CCSER1: variants seen among roughly 807,000 people sequenced by gnomAD.
The protein encoded by CCSER1 is serine-rich coiled-coil domain-containing protein 1.
A neutral mutation model predicts 82.0 loss-of-function variants in CCSER1; 41 were observed. The ratio of observed to expected loss-of-function variants is 0.50; its 90% CI spans 0.39 to 0.65. The LOEUF is 0.65. Ranked by LOEUF, CCSER1 falls within the 30% of genes least tolerant of loss-of-function variation. CCSER1 has a pLI of 0.00. For missense variants in CCSER1, 1,119 were observed against 1,064.2 expected (o/e 1.05, Z -0.72); for synonymous variants, 414 against 383.9 (o/e 1.08, Z -0.92).
chr4:90,453,744 C>T (rs28887579), intron 4 of CCSER1, among the ~76,000 whole-genome samples: 457 of 151,822 alleles, frequency 3.0e-3, no homozygotes, highest in African/African-American at 0.011. Context: ...CTGCCAACTA[C>T]AACTAAGGGG....
intron 10 of CCSER1, among the ~76,000 whole-genome samples, chr4:91,133,820 G>T (rs575034575): frequency 1.3e-5 from 2 of 152,322 alleles, no homozygotes; most frequent in East Asian, 1.9e-4. Flanking sequence ...AGTAGTGCTT[G>T]CCGGGCATGC....
chr4:90,211,644 A>T (rs1396043051), intron 1 of CCSER1, among the ~76,000 whole-genome samples: 3 of 152,214 alleles, frequency 2.0e-5, no homozygotes, highest in African/African-American at 7.2e-5. Flanking sequence ...ATGGTTGGCA[A>T]ATACAGTCAG....
At chr4:91,342,549 T>G (rs1471646895) in intron 10 of CCSER1, among the ~76,000 whole-genome samples, 1 of 152,170 alleles carries the variant, frequency 6.6e-6, no homozygotes, top group Non-Finnish European at 1.5e-5. Context: ...TTGTTTCTTT[T>G]ATTTCTGGCA....
At chr4:90,211,509 A>G (rs1259778148) in intron 1 of CCSER1, among the ~76,000 whole-genome samples, 1 of 152,236 alleles carries the variant, frequency 6.6e-6, no homozygotes, top group Non-Finnish European at 1.5e-5. Flanking sequence ...ATTGCATTTT[A>G]TTAGATACAA....
intron 10 of CCSER1, among the ~76,000 whole-genome samples, chr4:91,585,712 T>C (rs552442557): frequency 1.3e-5 from 2 of 151,450 alleles, no homozygotes; most frequent in South Asian, 4.2e-4. Context: ...GTAAAGGACC[T>C]AAAAGACCTA....
intron 10 of CCSER1, among the ~76,000 whole-genome samples, chr4:91,177,281 T>C (rs1733491641): frequency 6.6e-6 from 1 of 152,222 alleles, no homozygotes; most frequent in African/African-American, 2.4e-5. Flanking sequence ...TAAAATTCTC[T>C]TTTTCTGCTG....
chr4:90,285,101 TC>T (rs1369902910), intron 1 of CCSER1, among the ~76,000 whole-genome samples: 1 of 152,124 alleles, frequency 6.6e-6, no homozygotes, highest in African/African-American at 2.4e-5. Flanking sequence ...AGTTTTGTTC[TC>T]TTTGCTCAGA....
chr4:91,120,187 T>G (rs566368800), intron 10 of CCSER1, among the ~76,000 whole-genome samples: 4 of 152,146 alleles, frequency 2.6e-5, no homozygotes, highest in African/African-American at 9.6e-5. Flanking sequence ...CATTCATTAA[T>G]TCAATATTAA....
At chr4:90,417,744 A>T (rs1205348827) in intron 4 of CCSER1, among the ~76,000 whole-genome samples, 1 of 151,844 alleles carries the variant, frequency 6.6e-6, no homozygotes, top group Non-Finnish European at 1.5e-5. Flanking sequence ...TGAGTTAGGA[A>T]CTCCTCCTGT....
At chr4:90,148,331 A>G (rs1578190392) in intron 1 of CCSER1, among the ~76,000 whole-genome samples, 1 of 152,214 alleles carries the variant, frequency 6.6e-6, no homozygotes, top group Admixed American at 6.5e-5. Flanking sequence ...TGGATCCACT[A>G]GAGTATCCAT....
At chr4:91,371,932 C>T (rs916089542) in intron 10 of CCSER1, among the ~76,000 whole-genome samples, 3 of 152,134 alleles carry the variant, frequency 2.0e-5, no homozygotes, top group Admixed American at 2.0e-4. Flanking sequence ...AAGATCAGAA[C>T]AGACTTTACA....
chr4:90,866,180 A>G (rs1300174250), intron 8 of CCSER1, among the ~76,000 whole-genome samples: 2 of 151,868 alleles, frequency 1.3e-5, no homozygotes, highest in Admixed American at 6.6e-5. Context: ...TCACTCCCCC[A>G]TGCTTGTTCC....
chr4:90,559,434 G>A (rs28547267), intron 5 of CCSER1, among the ~76,000 whole-genome samples: 29,849 of 151,968 alleles, frequency 0.2, 3,379 homozygotes, highest in African/African-American at 0.3. Context: ...ACAACCCAAG[G>A]TAAGGTGGGG....
intron 5 of CCSER1, among the ~76,000 whole-genome samples, chr4:90,525,441 A>G (rs571779409): frequency 1.3e-4 from 20 of 152,276 alleles, no homozygotes; most frequent in African/African-American, 4.1e-4. Flanking sequence ...ACAATTCTGT[A>G]TACTATTAAT....
intron 10 of CCSER1, among the ~76,000 whole-genome samples, chr4:91,405,549 C>A (rs1284572458): frequency 1.3e-5 from 2 of 152,168 alleles, no homozygotes; most frequent in East Asian, 3.9e-4. Flanking sequence ...AAAATTTTTA[C>A]AATCTACCTA....
At chr4:91,089,816 G>A (rs937974360) in intron 10 of CCSER1, among the ~76,000 whole-genome samples, 2 of 152,072 alleles carry the variant, frequency 1.3e-5, no homozygotes, top group African/African-American at 4.8e-5. Context: ...TGCCAGTTTT[G>A]TTATATCTTT....
chr4:90,638,775 A>G (rs1725929892), intron 6 of CCSER1, among the ~76,000 whole-genome samples: 1 of 152,152 alleles, frequency 6.6e-6, no homozygotes, highest in African/African-American at 2.4e-5. Flanking sequence ...TGGAGAGATT[A>G]GAGAAGGTGG....
chr4:91,278,673 C>T (rs1243892586), intron 10 of CCSER1, among the ~76,000 whole-genome samples: 1 of 151,972 alleles, frequency 6.6e-6, no homozygotes, highest in Non-Finnish European at 1.5e-5. Flanking sequence ...AAGTTTAATC[C>T]ATTTACCTTC....
rs529345333 is a variant in CCSER1 at position 90,274,229 on chromosome 4, G to A, written c.-41-34015G>A. Among the ~76,000 whole-genome samples, 4 of 152,110 alleles carry A rather than the reference G, an allele frequency of 2.6e-5. No homozygotes were observed. The East Asian group carries it at 5.8e-4, about 22-fold the overall frequency. Reference sequence around the variant, plus strand: ...TACCCAAACTTTAAGAAAGGACATTGGTTAAGGGCACAAGAGGCATCTCTT... The same window carrying A: ...TACCCAAACTTTAAGAAAGGACATTAGTTAAGGGCACAAGAGGCATCTCTT... On this transcript the variant is annotated intron_variant, in intron 1 of 10. Coordinates refer to ENST00000509176, the MANE Select transcript of CCSER1 (RefSeq NM_001145065.2).
Sources: allele counts gnomAD v4.1 joint callset (sites outside exome capture counted in the v4.1 genomes callset), GRCh38; gene constraint gnomAD v4.1.1; transcripts MANE v1.5; gene names NCBI Gene and HGNC (gene_info 2026-07-23, HGNC 2026-07-21).